USP53: variants seen among roughly 807,000 people sequenced by gnomAD.
USP53 encodes ubiquitin specific peptidase 53.
In USP53, 71 loss-of-function variants were observed where a neutral mutation model predicts 94.9. The ratio of observed to expected loss-of-function variants is 0.75; its 90% CI spans 0.62 to 0.91. USP53 has a LOEUF of 0.91. Among genes scored for constraint, USP53 ranks in the 40% least tolerant of loss-of-function variants. The pLI, the probability that USP53 is intolerant of heterozygous loss-of-function variation, is 0.00. For synonymous variants in USP53, 375 were observed against 422.7 expected, an observed-to-expected ratio of 0.89 and a Z score of 1.39; for missense variants, 1,173 against 1,281.0, an observed-to-expected ratio of 0.92 and a Z score of 1.29.
Position 119,239,812 on chromosome 4 carries a change from A to G in USP53, c.53A>G (p.Tyr18Cys). 1 of 1,612,378 alleles carries G rather than the reference A, an allele frequency of 6.2e-7. No individual in the cohort carries two copies. Among genetic ancestry groups the G allele is most frequent in the Non-Finnish European group, 8.5e-7 (1 of 1,179,402 alleles). ...CCTGGTGGCAATCTTGGAAAAGTTT[A>G]TCAGCCTGGAAGTATGCTATCACTA... ...RKPGGNLGKVYQPGSMLSLAP... is the reference protein window; with the variant it reads ...RKPGGNLGKVCQPGSMLSLAP... Residue 18 changes from tyrosine to cysteine, a missense_variant, in exon 5 of 19, where the codon TAT becomes TGT. Tyr to Cys is a radical substitution (Grantham distance 194, BLOSUM62 -2). Transcript: ENST00000692078.
At chr4:119,226,986 C>T (rs1194706297) in intron 3 of USP53, among the ~76,000 whole-genome samples, 1 of 151,630 alleles carries the variant, frequency 6.6e-6, no homozygotes, top group Non-Finnish European at 1.5e-5. Context: ...TAGGCATGTG[C>T]CACCATGCCC....
intron 9 of USP53, 81 bp from the exon 10 acceptor site, chr4:119,259,739 A>T (rs1199179884): frequency 9.3e-7 from 1 of 1,076,438 alleles, no homozygotes; most frequent in Non-Finnish European, 1.4e-6. Context: ...ATGCACATCT[A>T]AACTGACAAT....
intron 9 of USP53, among the ~76,000 whole-genome samples, chr4:119,259,298 G>GA (rs1195213084): frequency 6.6e-6 from 1 of 151,214 alleles, no homozygotes. Context: ...AAAAAAAAGG[G>GA]GGGGGAGTAA....
intron 3 of USP53, among the ~76,000 whole-genome samples, chr4:119,223,785 T>TA (rs1402596421): frequency 7.2e-5 from 11 of 152,184 alleles, no homozygotes; most frequent in Non-Finnish European, 8.8e-5. Context: ...CTCTACTACT[T>TA]ACAGTCTCTA....
intron 6 of USP53, among the ~76,000 whole-genome samples, chr4:119,246,311 C>G (rs11098496): frequency 0.29 from 43,968 of 152,148 alleles, 6,529 homozygotes; most frequent in East Asian, 0.38. Flanking sequence ...CTCTCACCCA[C>G]CTCTGTCTCT....
intron 7 of USP53, among the ~76,000 whole-genome samples, chr4:119,253,096 A>G (rs1561259109): frequency 6.6e-6 from 1 of 152,036 alleles, no homozygotes; most frequent in Non-Finnish European, 1.5e-5. Flanking sequence ...GTGGTCTGAG[A>G]GGCAGTTATT....
At chr4:119,241,629 G>A (rs1747556278) in intron 5 of USP53, among the ~76,000 whole-genome samples, 1 of 151,900 alleles carries the variant, frequency 6.6e-6, no homozygotes, top group South Asian at 2.1e-4. Context: ...TTTTCTCTGG[G>A]TGCTTTTAAG....
chr4:119,237,344 A>T (rs1371919797), intron 4 of USP53, among the ~76,000 whole-genome samples: 2 of 152,126 alleles, frequency 1.3e-5, no homozygotes, highest in Admixed American at 1.3e-4. Flanking sequence ...CAACTGCATT[A>T]TGTCCTAATA....
chr4:119,271,160 G>A, intron 15 of USP53, 136 bp from the exon 16 acceptor site: 6 of 1,335,918 alleles, frequency 4.5e-6, no homozygotes, highest in Non-Finnish European at 5.8e-6. Flanking sequence ...TAATCTCAAA[G>A]CAGTATGTGA....
In USP53 at chr4:119,238,665, C is replaced by T. The variant is rs933529768; in HGVS notation, c.-542-553C>T. ...AAAAAGGCAGTATATCTGCAAAGAG[C>T]GATAAAGTAAAATGCTATAAAACAA... On this transcript the variant is annotated intron_variant, in intron 4 of 18. Transcript: ENST00000692078. Among the ~76,000 whole-genome samples, 4 of 152,118 alleles carry T rather than the reference C, an allele frequency of 2.6e-5. No homozygotes were observed. In the East Asian group the frequency reaches 5.8e-4, roughly 22 times the overall value.
intron 10 of USP53, 130 bp from the exon 11 acceptor site, chr4:119,260,377 A>G (rs1488472170): frequency 3.2e-6 from 2 of 625,762 alleles, no homozygotes; most frequent in Non-Finnish European, 4.9e-6. Context: ...ACAGCTTGTT[A>G]GAAGTCAATT....
At chr4:119,238,132 C>T (rs1747030420) in intron 4 of USP53, among the ~76,000 whole-genome samples, 1 of 152,186 alleles carries the variant, frequency 6.6e-6, no homozygotes, top group African/African-American at 2.4e-5. Flanking sequence ...CAAGAGCTTT[C>T]CCTTTGCATT....
intron 13 of USP53, among the ~76,000 whole-genome samples, chr4:119,267,860 C>CT (rs1260072776): frequency 1.3e-5 from 2 of 152,170 alleles, no homozygotes; most frequent in African/African-American, 4.8e-5. Context: ...TTTTAAGTAA[C>CT]TTTTTTTACA....
At position 119,230,030 on chromosome 4, in the gene USP53, A is replaced by G. The variant is rs372311145; in HGVS notation, c.-664-5260A>G. Among the ~76,000 whole-genome samples, 212 of 152,300 alleles carry G rather than the reference A, an allele frequency of 1.4e-3. 1 individual carries two copies. The highest frequency in any genetic ancestry group is 4.7e-3 in the African/African-American group (195 of 41,578). On this transcript the variant is annotated intron_variant, in intron 3 of 18. Coordinates refer to ENST00000692078, the MANE Select transcript of USP53 (RefSeq NM_001371395.1). The stretch of plus-strand genomic sequence containing the variant: ...GAAACTTGTGCTCGTTTTTCAATAT[A>G]TAATAAAATGTAACCTCTCCAAGAA...
chr4:119,261,901 G>C, intron 12 of USP53, 37 bp downstream of exon 12: 1 of 1,395,604 alleles, frequency 7.2e-7, no homozygotes, highest in African/African-American at 1.4e-5. Flanking sequence ...TAATTACTGT[G>C]ATTTTTACTT....
chr4:119,254,512 C>T (rs1172736736), intron 7 of USP53, among the ~76,000 whole-genome samples: 2 of 152,152 alleles, frequency 1.3e-5, no homozygotes, highest in African/African-American at 2.4e-5. Context: ...ATGATTGAAT[C>T]GGCTACTGAA....
At chr4:119,231,505 A>G (rs896780517) in intron 3 of USP53, among the ~76,000 whole-genome samples, 1 of 152,068 alleles carries the variant, frequency 6.6e-6, no homozygotes, top group African/African-American at 2.4e-5. Context: ...GTATTTTAAT[A>G]TTTTTGCCAG....
intron 3 of USP53, among the ~76,000 whole-genome samples, chr4:119,230,818 A>C (rs1328306679): frequency 4.6e-5 from 7 of 152,142 alleles, no homozygotes; most frequent in Non-Finnish European, 1.0e-4. Flanking sequence ...AGCAAGAGAC[A>C]GAGAGTGAGG....
chr4:119,242,137 A>T (rs1019024882), intron 5 of USP53, among the ~76,000 whole-genome samples: 3 of 152,112 alleles, frequency 2.0e-5, no homozygotes, highest in Non-Finnish European at 4.4e-5. Flanking sequence ...AGTTGTAATA[A>T]TTGTTTTTAT....
Sources: allele counts gnomAD v4.1 joint callset (sites outside exome capture counted in the v4.1 genomes callset), GRCh38; gene constraint gnomAD v4.1.1; transcripts MANE v1.5; gene names NCBI Gene and HGNC (gene_info 2026-07-23, HGNC 2026-07-21).